Variants in SEMA4G observed in about 807,000 individuals in gnomAD.
The protein encoded by SEMA4G is semaphorin-4G.
Under a neutral mutation model 81.2 loss-of-function variants are expected in SEMA4G, and 59 were observed. The observed-to-expected ratio is 0.73, with a 90% CI of 0.59 to 0.90. SEMA4G has a LOEUF of 0.90. Among genes scored for constraint, SEMA4G ranks in the 40% least tolerant of loss-of-function variants. The pLI, the probability that SEMA4G is intolerant of heterozygous loss-of-function variation, is 0.00. For synonymous variants in SEMA4G, 404 were observed against 433.9 expected (o/e 0.93, Z 0.86); for missense variants, 952 against 1,102.3 (o/e 0.86, Z 1.93).
At position 100,973,084 on chromosome 10, in the gene SEMA4G, G is replaced by C; in HGVS notation, c.125-45G>C. 1 of 1,614,088 alleles carries C rather than the reference G, an allele frequency of 6.2e-7. No homozygotes were observed. The highest frequency in any genetic ancestry group is 8.5e-7 in the Non-Finnish European group (1 of 1,180,006). ...GCAGCAGAAGCCAGGGCTGGGGGTG[G>C]GGAGGCACCCCAGAACTAGGGCTCA... is the stretch of plus-strand genomic sequence containing the variant. On this transcript the variant is annotated intron_variant, in intron 1 of 13. Coordinates refer to ENST00000370250, the Ensembl canonical transcript of SEMA4G. The surrounding 1 kb of genome is among the most constrained non-coding windows in gnomAD (Gnocchi z 5.5).
rs200186312 is a variant in SEMA4G, at chr10:100,978,583, C to T, written c.586C>T (p.Arg196Trp). 20 of 1,614,012 alleles carry T rather than the reference C, an allele frequency of 1.2e-5. No homozygotes were observed. Among genetic ancestry groups the T allele is most frequent in the Admixed American group, 6.7e-5 (4 of 59,992 alleles). Residue 196 changes from arginine to tryptophan, a missense_variant, in exon 6 of 14, where the codon CGG becomes TGG. Transcript: ENST00000370250. ...ATTCCGGAGCATTCCTGACATCCGCCGGAGCCGCCACCCACACTCCCTGAG... is the reference window on the plus strand; with the variant it reads ...ATTCCGGAGCATTCCTGACATCCGCTGGAGCCGCCACCCACACTCCCTGAG...
At chr10:100,974,637 G>A (rs1850725877) in intron 3 of SEMA4G, among the ~76,000 whole-genome samples, 1 of 152,228 alleles carries the variant, frequency 6.6e-6, no homozygotes, top group Non-Finnish European at 1.5e-5. Flanking sequence ...CTATGAAATA[G>A]TATTATCCTG....
chr10:100,976,820 T>C (rs1046075973), intron 3 of SEMA4G, among the ~76,000 whole-genome samples: 1 of 152,236 alleles, frequency 6.6e-6, no homozygotes, highest in Non-Finnish European at 1.5e-5. Context: ...TTTTATACTA[T>C]GTACATGTAT....
chr10:100,983,306 G>A (rs1851211935), exon 14 of SEMA4G: 1 of 1,532,656 alleles, frequency 6.5e-7, no homozygotes, highest in Non-Finnish European at 8.8e-7. Flanking sequence ...ACCCCACAGG[G>A]CCACCACCAC....
At position 100,980,883 on chromosome 10, in the gene SEMA4G, G is replaced by A. The variant is rs147992447; in HGVS notation, c.1529G>A (p.Arg510His). 1,168 of 1,610,152 alleles carry A rather than the reference G, an allele frequency of 7.3e-4. 3 individuals carry two copies. The highest frequency in any genetic ancestry group is 7.8e-4 in the Non-Finnish European group (923 of 1,178,424). The change falls in exon 12 of 14, where the codon CGC becomes CAC. Residue 510 changes from arginine (R) to histidine (H), a missense_variant. Around this residue, in one of 3 missense-constraint regions of SEMA4G, gnomAD observed 131 missense variants for 200.7 expected, o/e 0.65. Transcript: ENST00000370250. ...CAGCTACCACTCTCCAGCTGCTCCC[G>A]CTACCGATCCTGCTATGACTGCATC...
Position 100,980,112 on chromosome 10 carries a change from C to T in SEMA4G, c.1129-10C>T. 1.9e-6 allele frequency: 3 copies of T among 1,614,074 alleles called. No individual in the cohort carries two copies. The highest frequency in any genetic ancestry group is 2.2e-5 in the South Asian group (2 of 91,082). ...GTCCCGAGGTTCACCACCTTCGTCC[C>T]CCACGCCAGTGTATCACAGATTCAT... On this transcript the variant is annotated splice_polypyrimidine_tract_variant and intron_variant, in intron 9 of 13. Transcript: ENST00000370250.
chr10:100,979,338 G>A (rs1850942629), intron 8 of SEMA4G, 67 bp downstream of exon 9: 1 of 1,613,926 alleles, frequency 6.2e-7, no homozygotes, highest in Non-Finnish European at 8.5e-7. Flanking sequence ...AGAGGTCAAT[G>A]AGGATGAGAT....
At chr10:100,984,200 T>TA in exon 14 of SEMA4G, 1 of 1,527,188 alleles carries the variant, frequency 6.5e-7, no homozygotes, top group South Asian at 1.3e-5. Context: ...ACTGCCTCCC[T>TA]AACACAGCCA....
rs760031264 is a variant in SEMA4G at position 100,983,340 on chromosome 10, C to T, written c.1726C>T (p.Arg576Trp). 33 of 1,588,066 alleles carry T rather than the reference C, an allele frequency of 2.1e-5. No homozygotes were observed. Among genetic ancestry groups the T allele is most frequent in the South Asian group, 6.9e-5 (6 of 87,278 alleles). Residue 576 changes from arginine (R) to tryptophan (W), a missense_variant, in exon 14 of 14, where the codon CGG becomes TGG. Around this residue, in one of 3 missense-constraint regions of SEMA4G, gnomAD observed 385 missense variants for 413.5 expected, o/e 0.93. Transcript: ENST00000370250. ...ACCACTGAAGACCCGCTCTGTGCTC[C>T]GGGGTGATGATGTCCTCCTGCCCTG...
rs572291343 is a variant in SEMA4G, at chr10:100,976,721, G to T, written c.337-911G>T. Among the ~76,000 whole-genome samples, 13 of 152,346 alleles carry T rather than the reference G, an allele frequency of 8.5e-5. No individual in the cohort carries two copies. In the East Asian group the frequency reaches 2.3e-3, roughly 27 times the overall value. Reference sequence around the variant, plus strand: ...CTCTGGAAGGAAACTTCAGACAATAGTAACAGCAGTCTTCTTGGCAGGCAA... The same window carrying T: ...CTCTGGAAGGAAACTTCAGACAATATTAACAGCAGTCTTCTTGGCAGGCAA... On this transcript the variant is annotated intron_variant, in intron 3 of 13. Transcript: ENST00000370250.
At position 100,977,820 on chromosome 10, in the gene SEMA4G, T is replaced by C. The variant is rs1023037277; in HGVS notation, c.435+90T>C. On this transcript the variant is annotated intron_variant, in intron 4 of 13. Transcript: ENST00000370250. ...TGCCAAAGAAGAGACTCAGAGCCAGTGAAGGAGACGGATGGTTTATTAAGG... is the reference window on the plus strand; with the variant it reads ...TGCCAAAGAAGAGACTCAGAGCCAGCGAAGGAGACGGATGGTTTATTAAGG... The C allele has an allele frequency of 2.8e-5, 32 of 1,137,422 alleles. No individual in the cohort carries two copies. In the African/African-American group the frequency reaches 4.0e-4, roughly 14 times the overall value. 70.5% of individuals were successfully genotyped at this position (1,137,422 alleles called of 1,614,324 possible). A position where few individuals can be genotyped will look rare whatever the true frequency, so the allele number is the denominator to read the frequency against.
In SEMA4G at chr10:100,973,047, C is replaced by T; in HGVS notation, c.124+11C>T. On this transcript the variant is annotated intron_variant, in intron 1 of 13. Transcript: ENST00000370250. This position sits in a 1 kb window ranked among gnomAD's most constrained non-coding sequence, Gnocchi z 5.5. ...CCATACCCTATGAAGGTTAGACCCT[C>T]AACCTCAAAAGGCAGCAGAAGCCAG... The T allele has an allele frequency of 6.2e-7, 1 of 1,614,168 alleles. No homozygotes were observed. The highest frequency in any genetic ancestry group is 1.1e-5 in the South Asian group (1 of 91,078).
At chr10:100,980,775 T>C (rs1212047979) in intron 11 of SEMA4G, 47 bp from the exon 13 acceptor site, 1 of 1,594,026 alleles carries the variant, frequency 6.3e-7, no homozygotes, top group Non-Finnish European at 8.5e-7. Context: ...GCTGTGTATC[T>C]GTATGAGTGG....
At chr10:100,978,239 A>G in intron 4 of SEMA4G, 56 bp from the exon 6 acceptor site, 3 of 1,347,686 alleles carry the variant, frequency 2.2e-6, no homozygotes, top group East Asian at 2.4e-5. Context: ...TCTGACTTTG[A>G]GCCACTGTCC....
At chr10:100,981,305 T>A in intron 13 of SEMA4G, 76 bp downstream of exon 14, 2 of 1,597,584 alleles carry the variant, frequency 1.3e-6, no homozygotes, top group Non-Finnish European at 1.7e-6. Flanking sequence ...TGTACGTATA[T>A]GTTTGTATCT....
chr10:100,981,264 C>G (rs1326575118), intron 13 of SEMA4G, 35 bp downstream of exon 14: 1 of 1,608,534 alleles, frequency 6.2e-7, no homozygotes. Context: ...TCTAGCTACG[C>G]AGACTGTCCT....
intron 3 of SEMA4G, among the ~76,000 whole-genome samples, chr10:100,975,972 G>A (rs1850763043): frequency 6.6e-6 from 1 of 152,138 alleles, no homozygotes; most frequent in Admixed American, 6.6e-5. Flanking sequence ...CTGGCCCCAG[G>A]CACTGGATGG....
rs1358003866 is a variant in SEMA4G at position 100,972,753 on chromosome 10, G to A, written c.-160G>A. 1 of 629,694 alleles carries A rather than the reference G, an allele frequency of 1.6e-6. No homozygotes were observed. The highest frequency in any genetic ancestry group is 2.6e-6 in the Non-Finnish European group (1 of 378,250). 39.0% of individuals were successfully genotyped at this position (629,694 alleles called of 1,614,324 possible). On this transcript the variant is annotated 5_prime_UTR_variant, in exon 1 of 14. An upstream open reading frame in the 5' UTR gains an earlier in-frame stop. Transcript: ENST00000370250. ...CCCCCCGATTCCAGGACCCCCCATG[G>A]CCCCATGATTCCTTGACTCCTATGA...
At position 100,983,956 on chromosome 10, in the gene SEMA4G, T is replaced by A. The variant is rs941479176; in HGVS notation, c.2342T>A (p.Leu781Ter). ...CCACCGGCTGAGCTGACCAATGGCT[T>A]GGTGGCACTGCCCAGCCGGCTGCGG... Residue 781 changes from leucine (L) to a stop codon, truncating the protein, a stop_gained, in exon 14 of 14, where the codon TTG becomes TAG. Coordinates refer to ENST00000370250, the Ensembl canonical transcript of SEMA4G. LOFTEE classifies it high-confidence loss of function. 1.3e-6 allele frequency: 2 copies of A among 1,571,740 alleles called. No homozygotes were observed. Among genetic ancestry groups the A allele is most frequent in the Non-Finnish European group, 1.7e-6 (2 of 1,155,980 alleles).
Sources: allele counts gnomAD v4.1 joint callset (sites outside exome capture counted in the v4.1 genomes callset), GRCh38; gene constraint gnomAD v4.1.1; regional missense constraint gnomAD v4.1.1; non-coding constraint Gnocchi (gnomAD v3.1); transcripts MANE v1.5; gene names NCBI Gene and HGNC (gene_info 2026-07-23, HGNC 2026-07-21).